Variants in DST observed in about 807,000 individuals in gnomAD.
DST encodes the protein bullous pemphigoid antigen.
DST carries 253 observed loss-of-function variants against 875.2 expected under a neutral mutation model. The ratio of observed to expected loss-of-function variants is 0.29; its 90% CI spans 0.26 to 0.32. DST has a LOEUF of 0.32. DST is among the 10% of genes least tolerant of loss of function. The probability of loss-of-function intolerance (pLI) is 1.00; values close to 1 mark genes in which losing one functional copy is unlikely to be tolerated. For missense variants in DST, 8,287 were observed against 9,111.6 expected (o/e 0.91, Z 3.68); for synonymous variants, 3,124 against 3,197.1 (o/e 0.98, Z 0.77).
In DST at chr6:56,609,271, C is replaced by T; in HGVS notation, c.5357G>A (p.Arg1786Lys). ...TCCTGTGTCATAGTCAATGAGGCCT[C>T]TTAAAACTGCTTGAAAGACTGAAAG... ...EVLSVFQAVLRGLIDYDTGIR... is the reference protein window; with the variant it reads ...EVLSVFQAVLKGLIDYDTGIR... Residue 1786 changes from arginine (R) to lysine (K), a missense_variant, in exon 40 of 104, where the codon AGA becomes AAA. Coordinates refer to ENST00000680361, the MANE Select transcript of DST (RefSeq NM_001374736.1). 5 of 1,613,636 alleles carry T rather than the reference C, an allele frequency of 3.1e-6. No homozygotes were observed. Among genetic ancestry groups the T allele is most frequent in the Non-Finnish European group, 4.2e-6 (5 of 1,179,704 alleles).
intron 7 of DST, among the ~76,000 whole-genome samples, chr6:56,703,353 G>C (rs140782673): frequency 6.6e-6 from 1 of 152,218 alleles, no homozygotes; most frequent in East Asian, 1.9e-4. Flanking sequence ...TATATACAAT[G>C]TATATAAAAT....
chr6:56,835,445 G>C (rs1020612391), intron 4 of DST, among the ~76,000 whole-genome samples: 1 of 152,148 alleles, frequency 6.6e-6, no homozygotes, highest in African/African-American at 2.4e-5. Context: ...AACTATGGGG[G>C]AGGAAGAGGG....
intron 10 of DST, among the ~76,000 whole-genome samples, chr6:56,656,251 C>T (rs1256451620): frequency 6.6e-6 from 1 of 152,224 alleles, no homozygotes; most frequent in African/African-American, 2.4e-5. Flanking sequence ...AAGGCTTTGT[C>T]TCTCCTAAAA....
chr6:56,821,493 A>C (rs1189326769), intron 4 of DST, among the ~76,000 whole-genome samples: 3 of 152,226 alleles, frequency 2.0e-5, no homozygotes, highest in Non-Finnish European at 4.4e-5. Flanking sequence ...AAGTGGAAAA[A>C]GCATTAAACC....
At chr6:56,891,025 T>C (rs1345441051) in intron 3 of DST, among the ~76,000 whole-genome samples, 1 of 152,224 alleles carries the variant, frequency 6.6e-6, no homozygotes, top group Non-Finnish European at 1.5e-5. Flanking sequence ...TTTAGACGCA[T>C]GTTGAATAGG....
intron 36 of DST, chr6:56,618,075 CTCTTA>C: frequency 6.2e-7 from 1 of 1,614,136 alleles, no homozygotes; most frequent in Non-Finnish European, 8.5e-7. Flanking sequence ...AGGGCTTGGT[CTCTTA>C]TCTTCTCAAT....
chr6:56,543,804 C>CT (rs1162264446), intron 61 of DST, among the ~76,000 whole-genome samples: 3 of 152,110 alleles, frequency 2.0e-5, no homozygotes, highest in Non-Finnish European at 4.4e-5. Flanking sequence ...TGGGAGGAAA[C>CT]TTTTGTGCCT....
At chr6:56,491,974 C>A (rs1027538003) in intron 85 of DST, among the ~76,000 whole-genome samples, 1 of 152,168 alleles carries the variant, frequency 6.6e-6, no homozygotes, top group Non-Finnish European at 1.5e-5. Context: ...ATGATAATAG[C>A]CTGTCTATGA....
chr6:56,497,232 G>T, intron 82 of DST, 147 bp downstream of exon 82: 2 of 710,250 alleles, frequency 2.8e-6, no homozygotes, highest in East Asian at 3.0e-5. Context: ...ATCAATAAAT[G>T]GTGTGTTTCT....
chr6:56,476,448 C>A, intron 91 of DST, 111 bp from the exon 92 acceptor site: 1 of 948,194 alleles, frequency 1.1e-6, no homozygotes, highest in Non-Finnish European at 1.5e-6. Context: ...TGAGCTAGAC[C>A]CATAATGCTT....
At chr6:56,564,878 T>C (rs1010906030) in intron 55 of DST, among the ~76,000 whole-genome samples, 3 of 152,186 alleles carry the variant, frequency 2.0e-5, no homozygotes, top group African/African-American at 7.2e-5. Context: ...CGTTTATTGA[T>C]TGGGTATGAA....
At position 56,614,424 on chromosome 6, in the gene DST, C is replaced by T. The variant is rs76257231; in HGVS notation, c.4990G>A (p.Val1664Ile). The T allele has an allele frequency of 1.2e-6, 2 of 1,610,646 alleles. No individual in the cohort carries two copies. Among genetic ancestry groups the T allele is most frequent in the Non-Finnish European group, 8.5e-7 (1 of 1,178,486 alleles). The stretch of plus-strand genomic sequence containing the variant: ...TTCAATGTCTTGCTGATATTTGATA[C>T]CCATTTTTGCAATTCTTTGGCTTTT... Reference protein sequence around the residue: ...VEKAKELQKWVSNISKTLKDA... With the variant: ...VEKAKELQKWISNISKTLKDA... The change falls in exon 37 of 104, where the codon GTA becomes ATA. Residue 1664 changes from valine (V) to isoleucine (I), a missense_variant. This residue lies in a region of DST where 3,138 missense variants were observed against 3,116.6 expected (regional missense o/e 1.01). Transcript: ENST00000680361.
At chr6:56,827,998 C>T (rs186416001) in intron 4 of DST, among the ~76,000 whole-genome samples, 1 of 152,260 alleles carries the variant, frequency 6.6e-6, no homozygotes, top group Admixed American at 6.5e-5. Flanking sequence ...CAAATCAAAC[C>T]TTTCATGCCT....
intron 4 of DST, among the ~76,000 whole-genome samples, chr6:56,743,161 T>C (rs1380953299): frequency 2.0e-5 from 3 of 152,182 alleles, no homozygotes; most frequent in Non-Finnish European, 4.4e-5. Flanking sequence ...ATAAGAACCC[T>C]TGTTCTAAAC....
chr6:56,593,409 C>T (rs188538640), intron 48 of DST, among the ~76,000 whole-genome samples: 4 of 149,444 alleles, frequency 2.7e-5, no homozygotes, highest in East Asian at 4.0e-4. Context: ...CCCAGCTAGT[C>T]GGGAGGCTGA....
intron 76 of DST, 23 bp from the exon 77 acceptor site, chr6:56,506,567 C>A (rs1467415428): frequency 1.9e-6 from 3 of 1,609,022 alleles, no homozygotes; most frequent in Non-Finnish European, 2.5e-6. Context: ...TGTTAGAATT[C>A]TTTTAGTGCC....
intron 87 of DST, among the ~76,000 whole-genome samples, chr6:56,485,950 T>C (rs1292505288): frequency 2.6e-5 from 4 of 152,128 alleles, no homozygotes; most frequent in Non-Finnish European, 5.9e-5. Flanking sequence ...TTCAAACCCC[T>C]AGCATTCATT....
intron 99 of DST, among the ~76,000 whole-genome samples, chr6:56,465,111 G>C (rs2094516983): frequency 6.6e-6 from 1 of 152,130 alleles, no homozygotes; most frequent in South Asian, 2.1e-4. Flanking sequence ...GTGTGTCTTT[G>C]GCCAGGAGAG....
chr6:56,565,410 C>T (rs572574003), intron 55 of DST, among the ~76,000 whole-genome samples: 223 of 152,282 alleles, frequency 1.5e-3, no homozygotes, highest in African/African-American at 5.2e-3. Flanking sequence ...TCAGCCACCA[C>T]GCCCGGCTAA....
Sources: allele counts gnomAD v4.1 joint callset (sites outside exome capture counted in the v4.1 genomes callset), GRCh38; gene constraint gnomAD v4.1.1; regional missense constraint gnomAD v4.1.1; transcripts MANE v1.5; gene names NCBI Gene and HGNC (gene_info 2026-07-23, HGNC 2026-07-21).